Variants in RTL4 observed in about 807,000 individuals in gnomAD.
RTL4 encodes retrotransposon Gag-like protein 4.
A neutral mutation model predicts 5.3 loss-of-function variants in RTL4; 4 were observed. The ratio of observed to expected loss-of-function variants is 0.75; its 90% confidence interval spans 0.37 to 1.72. The LOEUF (loss-of-function observed/expected upper bound fraction) is 1.72. RTL4 is among the 40% of genes most tolerant of loss of function. The probability of loss-of-function intolerance (pLI) is 0.04; values close to 1 mark genes in which losing one functional copy is unlikely to be tolerated. For missense variants in RTL4, 260 were observed against 227.1 expected, an observed-to-expected ratio of 1.14 and a Z score of -0.93; for synonymous variants, 98 against 87.3, an observed-to-expected ratio of 1.12 and a Z score of -0.68.
At chrX:112,257,873 G>GTATATATATATATACGTA in the RTL4 span, among the ~76,000 whole-genome samples, 1 of 102,559 alleles carries the variant, frequency 9.8e-6, no homozygotes, top group African/African-American at 3.6e-5. Context: ...TCAAAACTGT[G>GTATATATATATATACGTA]TATATATATA....
At chrX:112,211,955 A>T in the RTL4 span, among the ~76,000 whole-genome samples, 2 of 112,399 alleles carry the variant, frequency 1.8e-5, no homozygotes, top group Admixed American at 1.9e-4. Context: ...GGAGTGTGTA[A>T]TCAGACAGCA....
At chrX:112,216,776 G>A in the RTL4 span, among the ~76,000 whole-genome samples, 1 of 112,010 alleles carries the variant, frequency 8.9e-6, no homozygotes, top group Non-Finnish European at 1.9e-5. Flanking sequence ...GAAGTAAGAA[G>A]TTCTCTCCAG....
At chrX:112,152,502 T>C in the RTL4 span, among the ~76,000 whole-genome samples, 2 of 111,704 alleles carry the variant, frequency 1.8e-5, no homozygotes, top group African/African-American at 6.5e-5. Context: ...TGGCCCATCA[T>C]AGCTTTCTAC....
the RTL4 span, among the ~76,000 whole-genome samples, chrX:112,194,468 C>T: frequency 9.0e-6 from 1 of 111,392 alleles, no homozygotes; most frequent in Non-Finnish European, 1.9e-5. Flanking sequence ...TGAAGGGAGC[C>T]CTCACCATAA....
the RTL4 span, among the ~76,000 whole-genome samples, chrX:112,410,080 TAGTTATATC>T: frequency 8.9e-6 from 1 of 112,087 alleles, no homozygotes; most frequent in African/African-American, 3.2e-5. Flanking sequence ...GGAATAGCTA[TAGTTATATC>T]AGACAAAATA....
chrX:112,098,307 G>T, the RTL4 span, among the ~76,000 whole-genome samples: 74 of 110,739 alleles, frequency 6.7e-4, 2 homozygotes, highest in Non-Finnish European at 4.0e-4. Flanking sequence ...TTTTATGGCT[G>T]CATAGTATTC....
At chrX:112,344,506 G>A in the RTL4 span, among the ~76,000 whole-genome samples, 1 of 110,920 alleles carries the variant, frequency 9.0e-6, no homozygotes, top group Admixed American at 9.6e-5. Flanking sequence ...AGCACAAAGG[G>A]GGAGGTGCTA....
At chrX:112,151,744 C>T in the RTL4 span, among the ~76,000 whole-genome samples, 1 of 111,709 alleles carries the variant, frequency 9.0e-6, no homozygotes, top group Non-Finnish European at 1.9e-5. Flanking sequence ...GCATGGAAGG[C>T]GTTCATGCTG....
chrX:112,263,044 G>T, the RTL4 span, among the ~76,000 whole-genome samples: 1 of 93,539 alleles, frequency 1.1e-5, no homozygotes, highest in Non-Finnish European at 2.1e-5. Flanking sequence ...CACACACTGG[G>T]GCCTGTTTTG....
chrX:112,115,508 G>A, the RTL4 span, among the ~76,000 whole-genome samples: 2 of 111,445 alleles, frequency 1.8e-5, no homozygotes, highest in African/African-American at 3.3e-5. Context: ...GACACCTTTT[G>A]TCCTCACTTC....
chrX:112,415,214 T>C, the RTL4 span, among the ~76,000 whole-genome samples: 3 of 111,673 alleles, frequency 2.7e-5, no homozygotes, highest in Admixed American at 2.9e-4. Flanking sequence ...AATTACTTTT[T>C]CCTCTCAAGG....
chrX:112,428,469 A>G, the RTL4 span, among the ~76,000 whole-genome samples: 4 of 111,691 alleles, frequency 3.6e-5, no homozygotes, highest in African/African-American at 1.3e-4. Context: ...TTTTCCAGCT[A>G]CCTTTCTGTT....
At chrX:112,174,075 CT>C in the RTL4 span, among the ~76,000 whole-genome samples, 46 of 95,832 alleles carry the variant, frequency 4.8e-4, no homozygotes, top group African/African-American at 1.5e-3. Flanking sequence ...TTTTGAGCTT[CT>C]TTTTTTTAAT....
At chrX:112,377,731 A>T in the RTL4 span, among the ~76,000 whole-genome samples, 1 of 111,966 alleles carries the variant, frequency 8.9e-6, no homozygotes, top group Middle Eastern at 4.6e-3. Flanking sequence ...CCATGTAAGC[A>T]GCCTTGTTGT....
the RTL4 span, among the ~76,000 whole-genome samples, chrX:112,277,013 C>T: frequency 8.9e-6 from 1 of 111,752 alleles, no homozygotes; most frequent in Non-Finnish European, 1.9e-5. Flanking sequence ...TTATGATTAT[C>T]CCTGTAGATT....
the RTL4 span, among the ~76,000 whole-genome samples, chrX:112,109,738 G>A: frequency 9.0e-6 from 1 of 111,424 alleles, no homozygotes; most frequent in South Asian, 3.8e-4. Flanking sequence ...AAGTCCAGCT[G>A]GCTTCACCTC....
the RTL4 span, among the ~76,000 whole-genome samples, chrX:112,245,675 C>A: frequency 1.1e-5 from 1 of 95,082 alleles, no homozygotes; most frequent in Non-Finnish European, 2.0e-5. Flanking sequence ...TTGTTATTAC[C>A]GACCTTTGAA....
At chrX:112,432,813 A>G in the RTL4 span, among the ~76,000 whole-genome samples, 292 of 110,698 alleles carry the variant, frequency 2.6e-3, 1 homozygote, top group African/African-American at 8.8e-3. Flanking sequence ...GCCCATGCCT[A>G]TGGCCTGAAT....
the RTL4 span, among the ~76,000 whole-genome samples, chrX:112,229,511 G>A: frequency 3.4e-3 from 375 of 111,819 alleles, 1 homozygote; most frequent in African/African-American, 0.011. Context: ...ACTGTGATAA[G>A]GATTTTGCCG....
Sources: allele counts gnomAD v4.1 joint callset (sites outside exome capture counted in the v4.1 genomes callset), GRCh38; gene constraint gnomAD v4.1.1; transcripts MANE v1.5; gene names NCBI Gene and HGNC (gene_info 2026-07-23, HGNC 2026-07-21).